HRH1: variants seen among roughly 807,000 people sequenced by gnomAD.
The protein encoded by HRH1 is histamine receptor H1.
A neutral mutation model predicts 10.3 loss-of-function variants in HRH1; 6 were observed. The ratio of observed to expected loss-of-function variants is 0.58; its 90% CI spans 0.32 to 1.15. HRH1 has a LOEUF of 1.15. Among genes scored for constraint, HRH1 ranks in the 50% most tolerant of loss-of-function variants. The probability of loss-of-function intolerance (pLI) is 0.05; values close to 1 mark genes in which losing one functional copy is unlikely to be tolerated. For synonymous variants in HRH1, 242 were observed against 236.7 expected (o/e 1.02, Z -0.21); for missense variants, 514 against 615.3 (o/e 0.84, Z 1.74).
At chr3:11,233,958 A>C (rs569397938) in intron 1 of HRH1, among the ~76,000 whole-genome samples, 1 of 152,340 alleles carries the variant, frequency 6.6e-6, no homozygotes, top group East Asian at 1.9e-4. Flanking sequence ...AATGGTTTTT[A>C]GTTGCTGAGC....
intron 1 of HRH1, among the ~76,000 whole-genome samples, chr3:11,237,832 C>A (rs991515227): frequency 6.6e-6 from 1 of 151,834 alleles, no homozygotes; most frequent in Non-Finnish European, 1.5e-5. Context: ...TGCGCCACCA[C>A]GCCCTGCTAA....
At chr3:11,245,679 T>G (rs1939461700) in intron 1 of HRH1, among the ~76,000 whole-genome samples, 1 of 152,176 alleles carries the variant, frequency 6.6e-6, no homozygotes, top group Non-Finnish European at 1.5e-5. Context: ...CACCTAATGG[T>G]TTCAGAATGG....
At chr3:11,222,459 C>A (rs1415110359) in intron 1 of HRH1, among the ~76,000 whole-genome samples, 1 of 152,182 alleles carries the variant, frequency 6.6e-6, no homozygotes, top group Non-Finnish European at 1.5e-5. Flanking sequence ...GGCGATTTGC[C>A]TATCACGCAT....
chr3:11,259,790 A>G lies in HRH1; in HGVS notation c.753A>G (p.Pro251=), dbSNP rs200792231. The G allele has an allele frequency of 8.1e-6, 13 of 1,613,872 alleles. No individual in the cohort carries two copies. In the South Asian group the frequency reaches 8.8e-5, roughly 11 times the overall value. The change falls in exon 2 of 2, where the codon CCA becomes CCG. Residue 251 remains proline (P), a synonymous_variant. Transcript: ENST00000431010. The surrounding 1 kb of genome is among the most constrained non-coding windows in gnomAD (Gnocchi z 4.6). ...ACCCCAAGGGGGATGCCAAGAAACCAGGGAAGGAGTCTCCCTGGGAGGTTC... is the reference window on the plus strand; with the variant it reads ...ACCCCAAGGGGGATGCCAAGAAACCGGGGAAGGAGTCTCCCTGGGAGGTTC... ...PENPKGDAKK[P]GKESPWEVLK... is the part of the protein sequence containing the mutation.
At chr3:11,250,695 T>C (rs1939624873) in intron 1 of HRH1, among the ~76,000 whole-genome samples, 1 of 152,172 alleles carries the variant, frequency 6.6e-6, no homozygotes, top group Admixed American at 6.5e-5. Flanking sequence ...AGTAGTAGAA[T>C]GTAGATAAGG....
At chr3:11,237,647 C>CTTTTCT (rs1323195343) in intron 1 of HRH1, among the ~76,000 whole-genome samples, 1 of 121,420 alleles carries the variant, frequency 8.2e-6, no homozygotes, top group East Asian at 2.4e-4. Context: ...GAAAATATTT[C>CTTTTCT]TTTTCTTTTT....
chr3:11,244,072 G>A (rs1939420220), intron 1 of HRH1, among the ~76,000 whole-genome samples: 2 of 152,168 alleles, frequency 1.3e-5, no homozygotes, highest in Admixed American at 6.5e-5. Flanking sequence ...GGCAGTCCTC[G>A]CTGATATGGC....
Position 11,259,651 on chromosome 3 carries a change from T to C in HRH1, c.614T>C (p.Leu205Pro). ...ATCAACTTCTACCTGCCCACCTTGC[T>C]CATGCTCTGGTTCTATGCCAAGATC... is the stretch of plus-strand genomic sequence containing the variant. ...AIINFYLPTL[L>P]MLWFYAKIYK... The change falls in exon 2 of 2, where the codon CTC becomes CCC. Residue 205 changes from leucine to proline, a missense_variant. By Grantham distance (98) the Leu-to-Pro change is moderately conservative. Coordinates refer to ENST00000431010, the MANE Select transcript of HRH1 (RefSeq NM_001098212.2). This position sits in a 1 kb window ranked among gnomAD's most constrained non-coding sequence, Gnocchi z 4.6. 2 of 1,614,130 alleles carry C rather than the reference T, an allele frequency of 1.2e-6. No homozygotes were observed. Among genetic ancestry groups the C allele is most frequent in the Non-Finnish European group, 1.7e-6 (2 of 1,180,024 alleles).
intron 1 of HRH1, among the ~76,000 whole-genome samples, chr3:11,224,206 C>T (rs976542340): frequency 6.6e-6 from 1 of 152,180 alleles, no homozygotes; most frequent in African/African-American, 2.4e-5. Context: ...AAGACGTGGC[C>T]TCTGCTCCCA....
intron 1 of HRH1, among the ~76,000 whole-genome samples, chr3:11,149,468 A>G (rs1211350097): frequency 6.6e-6 from 1 of 152,238 alleles, no homozygotes; most frequent in Admixed American, 6.5e-5. Flanking sequence ...ACCTGGGTAG[A>G]ATTGTTCAAA....
At chr3:11,202,426 ATAAATAAATAAT>A (rs1937960278) in intron 1 of HRH1, among the ~76,000 whole-genome samples, 1 of 149,678 alleles carries the variant, frequency 6.7e-6, no homozygotes, top group Non-Finnish European at 1.5e-5. Context: ...AAATAAATAA[ATAAATAAATAAT>A]TAATTAAAAA....
chr3:11,159,352 G>A (rs1285964507), intron 1 of HRH1, among the ~76,000 whole-genome samples: 1 of 152,158 alleles, frequency 6.6e-6, no homozygotes, highest in East Asian at 1.9e-4. Context: ...TAGGTTTTTG[G>A]TAGATACTCT....
At chr3:11,168,581 G>A (rs1446112089) in intron 1 of HRH1, among the ~76,000 whole-genome samples, 1 of 152,210 alleles carries the variant, frequency 6.6e-6, no homozygotes, top group Non-Finnish European at 1.5e-5. Flanking sequence ...AGGCACTGCC[G>A]CCGCACAATG....
intron 1 of HRH1, among the ~76,000 whole-genome samples, chr3:11,249,511 T>C (rs1411759729): frequency 1.3e-5 from 2 of 151,914 alleles, no homozygotes; most frequent in Non-Finnish European, 2.9e-5. Flanking sequence ...GGTCTGTCCC[T>C]GAGACTTCTG....
chr3:11,256,579 T>A (rs1939788676), intron 1 of HRH1, among the ~76,000 whole-genome samples: 1 of 152,014 alleles, frequency 6.6e-6, no homozygotes, highest in Non-Finnish European at 1.5e-5. Flanking sequence ...GGTGGGTGGA[T>A]CATGAGGTCA....
intron 1 of HRH1, among the ~76,000 whole-genome samples, chr3:11,146,878 A>C (rs778140717): frequency 1.3e-5 from 2 of 152,180 alleles, no homozygotes; most frequent in Non-Finnish European, 2.9e-5. Flanking sequence ...AAGAGAGGAA[A>C]TGAGACTTAA....
At chr3:11,195,161 T>C (rs1937618043) in intron 1 of HRH1, among the ~76,000 whole-genome samples, 2 of 152,304 alleles carry the variant, frequency 1.3e-5, no homozygotes, top group Admixed American at 6.5e-5. Context: ...CCAGGACATT[T>C]TCCTTTTAAG....
At chr3:11,200,197 C>T (rs1197016376) in intron 1 of HRH1, among the ~76,000 whole-genome samples, 4 of 152,130 alleles carry the variant, frequency 2.6e-5, no homozygotes, top group Non-Finnish European at 4.4e-5. Context: ...AATGGCAGAA[C>T]CAAAGATGGA....
At chr3:11,179,803 C>T (rs1937318673) in intron 1 of HRH1, among the ~76,000 whole-genome samples, 1 of 147,576 alleles carries the variant, frequency 6.8e-6, no homozygotes, top group African/African-American at 2.5e-5. Flanking sequence ...CAAGGTGTCA[C>T]TCTGCCACCC....
Sources: gnomAD v4.1 joint callset for allele counts (sites outside exome capture counted in the v4.1 genomes callset) on GRCh38, gnomAD v4.1.1 for gene constraint, Gnocchi (gnomAD v3.1) non-coding constraint, MANE v1.5 for transcripts, NCBI Gene and HGNC (gene_info 2026-07-23, HGNC 2026-07-21) for gene names.